FRMD4B: variants seen among roughly 807,000 people sequenced by gnomAD.
FRMD4B encodes FERM domain containing 4B.
A neutral mutation model predicts 141.5 loss-of-function variants in FRMD4B; 74 were observed. The observed-to-expected ratio is 0.52, with a 90% confidence interval of 0.43 to 0.63. FRMD4B has a LOEUF of 0.63. Ranked by LOEUF, FRMD4B falls within the 30% of genes least tolerant of loss-of-function variation. The probability of loss-of-function intolerance (pLI) is 0.00; values close to 1 mark genes in which losing one functional copy is unlikely to be tolerated. For missense variants in FRMD4B, 1,366 were observed against 1,253.4 expected (o/e 1.09, Z -1.36); for synonymous variants, 506 against 467.9 (o/e 1.08, Z -1.05).
In FRMD4B at chr3:69,280,036, A is replaced by G. The variant is rs73838333; in HGVS notation, c.501+7716T>C. ...GTGTGGTGGTCCATGTTGGCTGATT[A>G]CTAAAATCACAGATATGGTCAAGGG... On this transcript the variant is annotated intron_variant, in intron 5 of 22. Coordinates refer to ENST00000398540, the MANE Select transcript of FRMD4B (RefSeq NM_015123.3). Among the ~76,000 whole-genome samples the G allele has an allele frequency of 5.9e-3, 900 of 152,242 alleles. 9 individuals are homozygous for G. Among genetic ancestry groups the G allele is most frequent in the African/African-American group, 0.02 (836 of 41,532 alleles).
intron 10 of FRMD4B, among the ~76,000 whole-genome samples, chr3:69,217,347 G>A (rs1278739185): frequency 2.6e-5 from 4 of 152,174 alleles, no homozygotes; most frequent in Non-Finnish European, 4.4e-5. Context: ...GAGGCCAGGC[G>A]TGGTGGTTCA....
chr3:69,508,493 C>T (rs7639616), intron 1 of FRMD4B, among the ~76,000 whole-genome samples: 35,697 of 151,948 alleles, frequency 0.23, 4,361 homozygotes, highest in African/African-American at 0.29. Context: ...ATTTCCTAGT[C>T]AATGAGAATA....
chr3:69,276,793 C>T (rs988340216), intron 5 of FRMD4B, among the ~76,000 whole-genome samples: 1 of 152,142 alleles, frequency 6.6e-6, no homozygotes, highest in Non-Finnish European at 1.5e-5. Flanking sequence ...GGTGAAACCC[C>T]ATCTCTACTA....
At chr3:69,369,928 A>G (rs1703777889) in intron 1 of FRMD4B, among the ~76,000 whole-genome samples, 1 of 152,284 alleles carries the variant, frequency 6.6e-6, no homozygotes, top group African/African-American at 2.4e-5. Flanking sequence ...TTCCGTCATT[A>G]TTTGATGGTG....
At chr3:69,190,663 C>T (rs1325186178) in intron 17 of FRMD4B, among the ~76,000 whole-genome samples, 6 of 152,160 alleles carry the variant, frequency 3.9e-5, no homozygotes, top group Non-Finnish European at 8.8e-5. Context: ...GACCTGCCTA[C>T]CTAGGCCTCC....
intron 4 of FRMD4B, 35 bp downstream of exon 4, chr3:69,302,308 A>T: frequency 8.9e-7 from 1 of 1,124,876 alleles, no homozygotes; most frequent in South Asian, 1.3e-5. Context: ...AACAGCAAAA[A>T]AAGAGGGATG....
chr3:69,309,052 G>A (rs1023918716), intron 3 of FRMD4B, among the ~76,000 whole-genome samples: 1 of 152,170 alleles, frequency 6.6e-6, no homozygotes, highest in Non-Finnish European at 1.5e-5. Context: ...CAGGGGCCTT[G>A]TCTGTGTTAC....
intron 1 of FRMD4B, among the ~76,000 whole-genome samples, chr3:69,521,135 A>G (rs1700847853): frequency 6.6e-6 from 1 of 151,926 alleles, no homozygotes; most frequent in African/African-American, 2.4e-5. Context: ...GTGAGGAGGG[A>G]CCCCAGATGG....
At chr3:69,324,495 C>T (rs1048442398) in intron 1 of FRMD4B, among the ~76,000 whole-genome samples, 2 of 152,298 alleles carry the variant, frequency 1.3e-5, no homozygotes, top group East Asian at 3.9e-4. Flanking sequence ...CTCATTATTG[C>T]GGAGCATAGT....
At chr3:69,454,634 G>A (rs762559709) in intron 1 of FRMD4B, among the ~76,000 whole-genome samples, 20 of 152,172 alleles carry the variant, frequency 1.3e-4, no homozygotes, top group African/African-American at 4.6e-4. Context: ...GCCCGCCCAC[G>A]CCACACTCTA....
rs1346872920 is a variant in FRMD4B at position 69,196,286 on chromosome 3, G to C, written c.1203C>G (p.Ile401Met). ...LVTLETKSQF[I>M]MASNGSLISS... The stretch of plus-strand genomic sequence containing the variant: ...AGATTAAACTGCCATTACTTGCCAT[G>C]ATGAACTGACTTTTCGTCTCCAGTG... The change falls in exon 14 of 23, where the codon ATC (isoleucine) becomes ATG (methionine). Residue 401 changes from isoleucine (I) to methionine (M), a missense_variant. Physicochemically the swap from Ile to Met is conservative, Grantham distance 10. Coordinates refer to ENST00000398540, the MANE Select transcript of FRMD4B (RefSeq NM_015123.3). 6.2e-7 allele frequency: 1 copy of C among 1,608,152 alleles called. No homozygotes were observed. The highest frequency in any genetic ancestry group is 2.2e-5 in the East Asian group (1 of 44,652).
chr3:69,277,555 T>G (rs1487380809), intron 5 of FRMD4B, among the ~76,000 whole-genome samples: 1 of 144,740 alleles, frequency 6.9e-6, no homozygotes, highest in Non-Finnish European at 1.5e-5. Flanking sequence ...AGATGGAGTG[T>G]TGTTGTCGCC....
chr3:69,469,584 A>G (rs1194076668), intron 1 of FRMD4B, among the ~76,000 whole-genome samples: 1 of 152,192 alleles, frequency 6.6e-6, no homozygotes, highest in African/African-American at 2.4e-5. Context: ...TCTTTTCCTC[A>G]GTTAAACTGC....
chr3:69,529,462 A>G (rs1439455241), intron 1 of FRMD4B, among the ~76,000 whole-genome samples: 1 of 151,988 alleles, frequency 6.6e-6, no homozygotes, highest in East Asian at 1.9e-4. Flanking sequence ...GGATGCTGCA[A>G]ATTACCACTT....
chr3:69,369,687 C>T (rs1041056914), intron 1 of FRMD4B, among the ~76,000 whole-genome samples: 2 of 151,322 alleles, frequency 1.3e-5, no homozygotes, highest in Non-Finnish European at 2.9e-5. Context: ...GGCATCAATA[C>T]CTAGAAAGTT....
intron 11 of FRMD4B, among the ~76,000 whole-genome samples, chr3:69,206,963 CA>C (rs1406873819): frequency 6.6e-6 from 1 of 150,968 alleles, no homozygotes; most frequent in Non-Finnish European, 1.5e-5. Flanking sequence ...GCCTTGCTAC[CA>C]AAAAAAAGTC....
chr3:69,195,613 T>G (rs535593306), intron 14 of FRMD4B, among the ~76,000 whole-genome samples: 1 of 152,134 alleles, frequency 6.6e-6, no homozygotes, highest in Non-Finnish European at 1.5e-5. Context: ...ATAAAATGCT[T>G]AACGTCCCAG....
chr3:69,196,859 A>G (rs755654211), intron 13 of FRMD4B, 41 bp downstream of exon 13: 4 of 1,496,976 alleles, frequency 2.7e-6, no homozygotes, highest in Admixed American at 1.8e-5. Context: ...CAGAATGCAA[A>G]AGGGGAATCT....
intron 1 of FRMD4B, among the ~76,000 whole-genome samples, chr3:69,354,182 T>G (rs1703245809): frequency 6.6e-6 from 1 of 152,228 alleles, no homozygotes; most frequent in Non-Finnish European, 1.5e-5. Context: ...CAGAAAATCT[T>G]GGCAGAATGA....
Sources: allele counts gnomAD v4.1 joint callset (sites outside exome capture counted in the v4.1 genomes callset), GRCh38; gene constraint gnomAD v4.1.1; transcripts MANE v1.5; gene names NCBI Gene and HGNC (gene_info 2026-07-23, HGNC 2026-07-21).